NPEPL1: variants seen among roughly 807,000 people sequenced by gnomAD.
The protein encoded by NPEPL1 is probable aminopeptidase NPEPL1.
NPEPL1 carries 45 observed loss-of-function variants against 52.4 expected under a neutral mutation model. The observed-to-expected ratio is 0.86, with a 90% CI of 0.68 to 1.10. The LOEUF is 1.10. NPEPL1 is among the 50% of genes least tolerant of loss of function. The probability of loss-of-function intolerance (pLI) is 0.00; values close to 1 mark genes in which losing one functional copy is unlikely to be tolerated. For missense variants in NPEPL1, 696 were observed against 710.9 expected (o/e 0.98, Z 0.24); for synonymous variants, 360 against 314.7 (o/e 1.14, Z -1.52).
rs2084935497 is a variant in NPEPL1, at chr20:58,715,560, C to T, written c.*234C>T. Reference sequence around the variant, plus strand: ...CTGTTTGTTACTTACAGGACTGAGACATCTTCTGTAAACTGCTACCCCTGG... The same window carrying T: ...CTGTTTGTTACTTACAGGACTGAGATATCTTCTGTAAACTGCTACCCCTGG... On this transcript the variant is annotated 3_prime_UTR_variant, in exon 12 of 12. Transcript: ENST00000356091. 1 of 457,666 alleles carries T rather than the reference C, an allele frequency of 2.2e-6. No homozygotes were observed. Among genetic ancestry groups the T allele is most frequent in the Non-Finnish European group, 3.8e-6 (1 of 261,222 alleles). The allele number at this position is 457,666 out of a possible 1,614,324, so 28.4% of individuals were successfully genotyped here.
upstream of NPEPL1, chr20:58,691,528 T>TGC: frequency 4.5e-6 from 3 of 662,658 alleles, no homozygotes. Context: ...GGCTCAGAGC[T>TGC]GAGCAGACAG....
upstream of NPEPL1, chr20:58,692,686 G>T (rs1568844904): frequency 2.4e-6 from 1 of 419,224 alleles, no homozygotes; most frequent in African/African-American, 2.2e-5. The surrounding 1 kb of genome is among the most constrained non-coding windows in gnomAD (Gnocchi z 5.7). Context: ...GGCCGGGCCT[G>T]CCCGCACCCT....
chr20:58,699,415 T>C (rs1213015590), intron 5 of NPEPL1, 137 bp downstream of exon 5: 1 of 698,062 alleles, frequency 1.4e-6, no homozygotes, highest in African/African-American at 1.8e-5. Context: ...AATCAGCCTG[T>C]GTCCAAGCCC....
At position 58,715,278 on chromosome 20, in the gene NPEPL1, CGAG is replaced by C. The variant is rs755291718; in HGVS notation, c.1529_1531del (p.Glu510del). On this transcript the variant is annotated inframe_deletion, in exon 12 of 12. Transcript: ENST00000356091. ...CCCCACTGGGCTGTGAGGTGGATGT[CGAG>C]GAGGGGGACCTGGGGAGGGACTCCA... The C allele has an allele frequency of 3.1e-6, 5 of 1,611,258 alleles. No individual in the cohort carries two copies. Among genetic ancestry groups the C allele is most frequent in the Non-Finnish European group, 4.2e-6 (5 of 1,179,200 alleles).
intron 6 of NPEPL1, among the ~76,000 whole-genome samples, 164 bp downstream of exon 6, chr20:58,701,322 GT>G (rs2123110245): frequency 2.3e-5 from 3 of 130,960 alleles, no homozygotes; most frequent in African/African-American, 5.7e-5. Flanking sequence ...TTGGGGTGGG[GT>G]GGGGTGGGGA....
At chr20:58,691,905 C>A, upstream of NPEPL1, 1 of 967,808 alleles carries the variant, frequency 1.0e-6, no homozygotes, top group Non-Finnish European at 1.6e-6. Flanking sequence ...ACCCTTGCAT[C>A]TGACCCTGTG....
chr20:58,693,811 C>T lies in NPEPL1; in HGVS notation c.225C>T (p.Thr75=), dbSNP rs3746396. 32 of 1,613,568 alleles carry T rather than the reference C, an allele frequency of 2.0e-5. No homozygotes were observed. Among genetic ancestry groups the T allele is most frequent in the Admixed American group, 8.3e-5 (5 of 60,000 alleles). The change falls in exon 2 of 12, where the codon ACC becomes ACT. Residue 75 remains threonine, a synonymous_variant. Transcript: ENST00000356091. ...GTCCCCTCTACCTGAACTACGCCAC[C>T]GTGGCTGCCCTGCCCTGCAGGGTGA... ...DSCPLYLNYA[T]VAALPCRVSR... is the part of the protein sequence containing the mutation.
At chr20:58,704,103 T>C in intron 6 of NPEPL1, 1 of 985,414 alleles carries the variant, frequency 1.0e-6, no homozygotes, top group Non-Finnish European at 1.2e-6. Flanking sequence ...CTCCAGCCAT[T>C]GATGCAAAGA....
chr20:58,692,734 C>T (rs1162140438), upstream of NPEPL1: 7 of 834,456 alleles, frequency 8.4e-6, no homozygotes, highest in Non-Finnish European at 1.0e-5. This position sits in a 1 kb window ranked among gnomAD's most constrained non-coding sequence, Gnocchi z 5.7. Flanking sequence ...GCGCCCCGGG[C>T]GGGCCCTGCA....
intron 3 of NPEPL1, among the ~76,000 whole-genome samples, chr20:58,696,108 G>C (rs1026356781): frequency 9.2e-5 from 14 of 152,198 alleles, no homozygotes; most frequent in African/African-American, 3.4e-4. Flanking sequence ...GGTGCCCGCA[G>C]AGCCCACCGG....
At chr20:58,712,137 G>T (rs2084860883) in intron 7 of NPEPL1, among the ~76,000 whole-genome samples, 2 of 152,110 alleles carry the variant, frequency 1.3e-5, no homozygotes, top group African/African-American at 4.8e-5. Context: ...GTATTGAGGG[G>T]ACGCGGCTGC....
At chr20:58,707,046 T>TGGGGGGGGGGGGGGG in intron 6 of NPEPL1, 77 bp from the exon 7 acceptor site, 1 of 1,109,726 alleles carries the variant, frequency 9.0e-7, no homozygotes, top group Non-Finnish European at 1.2e-6. Flanking sequence ...TGGGGCCGGG[T>TGGGGGGGGGGGGGGG]GGGGGTGGGG....
At chr20:58,696,768 G>A (rs1223366914) in intron 3 of NPEPL1, among the ~76,000 whole-genome samples, 1 of 152,232 alleles carries the variant, frequency 6.6e-6, no homozygotes, top group Non-Finnish European at 1.5e-5. Context: ...CAGGCCCTGC[G>A]CTGAGGCAGG....
At chr20:58,704,276 C>T (rs1366088784) in intron 6 of NPEPL1, 1 of 971,476 alleles carries the variant, frequency 1.0e-6, no homozygotes, top group African/African-American at 1.8e-5. Context: ...GCCCAGCTCC[C>T]AGTTTTGCAA....
intron 5 of NPEPL1, among the ~76,000 whole-genome samples, chr20:58,700,675 A>G (rs997515405): frequency 6.6e-6 from 1 of 152,222 alleles, no homozygotes; most frequent in African/African-American, 2.4e-5. Context: ...GGGGACGAGC[A>G]TGGGCTGGGG....
chr20:58,693,530 C>A lies in NPEPL1; in HGVS notation c.151-207C>A. ...CCTTCCAGGCTTGGTGGCTTCATCC[C>A]ACCAGGGGGATGCGAGCCAGCCTAG... On this transcript the variant is annotated intron_variant, in intron 1 of 11. Coordinates refer to ENST00000356091, the MANE Select transcript of NPEPL1 (RefSeq NM_024663.4). 7.9e-6 allele frequency: 4 copies of A among 509,364 alleles called. No homozygotes were observed. In the South Asian group the frequency reaches 1.2e-4, roughly 16 times the overall value. The allele number at this position is 509,364 out of a possible 1,614,324, so 31.6% of individuals were successfully genotyped here.
At chr20:58,703,428 C>T in intron 6 of NPEPL1, 1 of 974,456 alleles carries the variant, frequency 1.0e-6, no homozygotes, top group Non-Finnish European at 1.2e-6. Flanking sequence ...AGATAGTGCA[C>T]CCCCTACTGC....
At chr20:58,710,057 G>A (rs62203769) in intron 7 of NPEPL1, among the ~76,000 whole-genome samples, 29 of 80,398 alleles carry the variant, frequency 3.6e-4, no homozygotes, top group Non-Finnish European at 5.5e-4. Context: ...TTTTTTCCCC[G>A]AGATGGTGTC....
chr20:58,707,098 C>A (rs890964404), intron 6 of NPEPL1, 25 bp from the exon 7 acceptor site: 23 of 1,549,704 alleles, frequency 1.5e-5, no homozygotes, highest in Non-Finnish European at 1.7e-5. Context: ...TCACCTTTGT[C>A]CTGGTCCCTT....
Sources: allele counts gnomAD v4.1 joint callset (sites outside exome capture counted in the v4.1 genomes callset), GRCh38; gene constraint gnomAD v4.1.1; non-coding constraint Gnocchi (gnomAD v3.1); transcripts MANE v1.5; gene names NCBI Gene and HGNC (gene_info 2026-07-23, HGNC 2026-07-21).